YWHAG: variants seen among roughly 807,000 people sequenced by gnomAD.
YWHAG encodes tyrosine 3-monooxygenase/tryptophan 5-monooxygenase activation protein gamma, also known as 14-3-3 protein gamma.
YWHAG carries 1 observed loss-of-function variant against 23.3 expected under a neutral mutation model. That is an observed-to-expected ratio of 0.04 (90% CI 0.02 to 0.20). The LOEUF is 0.20. YWHAG is among the 10% of genes least tolerant of loss of function. The probability of loss-of-function intolerance (pLI) is 1.00; values close to 1 mark genes in which losing one functional copy is unlikely to be tolerated. For synonymous variants in YWHAG, 160 were observed against 144.0 expected, an observed-to-expected ratio of 1.11 and a Z score of -0.80; for missense variants, 151 against 338.6, an observed-to-expected ratio of 0.45 and a Z score of 4.35.
At chr7:76,335,214 C>T (rs1199649525) in intron 1 of YWHAG, among the ~76,000 whole-genome samples, 5 of 152,102 alleles carry the variant, frequency 3.3e-5, no homozygotes, top group Admixed American at 6.6e-5. Context: ...TGTGCCACTA[C>T]GCCCAGCTAA....
intron 1 of YWHAG, 92 bp downstream of exon 1, chr7:76,358,630 C>T: frequency 7.6e-7 from 1 of 1,309,024 alleles, no homozygotes. Context: ...AACCCGCCAT[C>T]GCGACAGGGC....
rs1803507154 is a variant in YWHAG, at chr7:76,329,454, C to T, written c.*123G>A. ...AGAGGCGATCAAAGACAGGACAGGT[C>T]GTGGGTTTCTCCCTGGGAAGGTCAT... is the stretch of plus-strand genomic sequence containing the variant. On this transcript the variant is annotated 3_prime_UTR_variant, in exon 2 of 2. Coordinates refer to ENST00000307630, the MANE Select transcript of YWHAG (RefSeq NM_012479.4). The surrounding 1 kb of genome is among the most constrained non-coding windows in gnomAD (Gnocchi z 6.1). 6.5e-6 allele frequency: 8 copies of T among 1,239,282 alleles called. No homozygotes were observed. The highest frequency in any genetic ancestry group is 4.6e-5 in the African/African-American group (3 of 65,154). 76.8% of individuals were successfully genotyped at this position (1,239,282 alleles called of 1,614,324 possible).
chr7:76,358,039 C>T (rs571063038), intron 1 of YWHAG, among the ~76,000 whole-genome samples: 1 of 152,132 alleles, frequency 6.6e-6, no homozygotes, highest in Non-Finnish European at 1.5e-5. Flanking sequence ...AAAACGCTAG[C>T]GAGACAAACG....
chr7:76,354,545 A>C (rs1050704193), intron 1 of YWHAG, among the ~76,000 whole-genome samples: 1 of 152,056 alleles, frequency 6.6e-6, no homozygotes, highest in Admixed American at 6.6e-5. Context: ...AAATACAATA[A>C]AATAAAATAA....
At chr7:76,342,018 C>T (rs1341482624) in intron 1 of YWHAG, among the ~76,000 whole-genome samples, 1 of 152,168 alleles carries the variant, frequency 6.6e-6, no homozygotes, top group Non-Finnish European at 1.5e-5. Flanking sequence ...CTTGATGCTT[C>T]TTAATACATG....
At chr7:76,336,944 C>T (rs759182784) in intron 1 of YWHAG, among the ~76,000 whole-genome samples, 41 of 152,190 alleles carry the variant, frequency 2.7e-4, no homozygotes, top group Non-Finnish European at 5.0e-4. Context: ...ATGTGCGCTG[C>T]TGTCCATGTT....
chr7:76,340,774 A>C (rs1803681059), intron 1 of YWHAG, among the ~76,000 whole-genome samples: 1 of 152,210 alleles, frequency 6.6e-6, no homozygotes, highest in Admixed American at 6.5e-5. Context: ...CTATTTCTCT[A>C]GGTTAAGAAT....
rs1213979620 is a variant in YWHAG at position 76,327,681 on chromosome 7, TCCCC to T, written c.*1892_*1895del. 2 of 30,786 alleles carry T rather than the reference TCCCC, an allele frequency of 6.5e-5. No individual in the cohort carries two copies. The highest frequency in any genetic ancestry group is 3.4e-4 in the African/African-American group (2 of 5,818). The allele number at this position is 30,786 out of a possible 1,614,324, so 1.9% of individuals were successfully genotyped here. A position where few individuals can be genotyped will look rare whatever the true frequency, so the allele number is the denominator to read the frequency against. On this transcript the variant is annotated 3_prime_UTR_variant, in exon 2 of 2. Coordinates refer to ENST00000307630, the MANE Select transcript of YWHAG (RefSeq NM_012479.4). ...CCCACCTACCCTGCCCCCCCCCCCC[TCCCC>T]CCCCAAATCGTCTTCCTCCCATGGC... is the stretch of plus-strand genomic sequence containing the variant.
rs71085403 is a variant in YWHAG at position 76,327,668 on chromosome 7, G to GCCCCCCCCCCCCCC, written c.*1908_*1909insGGGGGGGGGGGGGG. 1.4e-3 allele frequency: 65 copies of GCCCCCCCCCCCCCC among 47,110 alleles called. 1 individual carries two copies. Among genetic ancestry groups the GCCCCCCCCCCCCCC allele is most frequent in the Admixed American group, 2.1e-3 (9 of 4,198 alleles). 2.9% of individuals were successfully genotyped at this position (47,110 alleles called of 1,614,324 possible). Reference sequence around the variant, plus strand: ...AATTAGGGAAAGCCCCACCTACCCTGCCCCCCCCCCCCTCCCCCCCCAAAT... The same window carrying GCCCCCCCCCCCCCC: ...AATTAGGGAAAGCCCCACCTACCCTGCCCCCCCCCCCCCCCCCCCCCCCCCCTCCCCCCCCAAAT... On this transcript the variant is annotated 3_prime_UTR_variant, in exon 2 of 2. Coordinates refer to ENST00000307630, the MANE Select transcript of YWHAG (RefSeq NM_012479.4).
intron 1 of YWHAG, among the ~76,000 whole-genome samples, chr7:76,358,496 C>T (rs1048435661): frequency 6.6e-5 from 10 of 152,100 alleles, no homozygotes; most frequent in African/African-American, 2.4e-4. Context: ...CGCGCCCGCG[C>T]CGGGCCTGAA....
chr7:76,340,614 C>A (rs190579723), intron 1 of YWHAG, among the ~76,000 whole-genome samples: 2 of 152,126 alleles, frequency 1.3e-5, no homozygotes, highest in African/African-American at 2.4e-5. Flanking sequence ...TAAGGCTCAG[C>A]GCTGAAGAAC....
chr7:76,336,118 A>C (rs1281940389), intron 1 of YWHAG, among the ~76,000 whole-genome samples: 2 of 152,188 alleles, frequency 1.3e-5, no homozygotes, highest in Non-Finnish European at 2.9e-5. Flanking sequence ...ATCTCTACAA[A>C]GAACTGAAGT....
chr7:76,353,491 G>A (rs1285293075), intron 1 of YWHAG, among the ~76,000 whole-genome samples: 6 of 152,164 alleles, frequency 3.9e-5, no homozygotes, highest in South Asian at 4.1e-4. Context: ...GATTACAGGC[G>A]TGAGCCACCG....
chr7:76,350,136 G>C lies in YWHAG; in HGVS notation c.87+8586C>G, dbSNP rs140458424. 3.9e-5 allele frequency among the ~76,000 whole-genome samples: 6 copies of C among 152,206 alleles called. 1 individual carries two copies. In the East Asian group the frequency reaches 1.2e-3, roughly 29 times the overall value. Reference sequence around the variant, plus strand: ...CTATTTGTCTTTATTTTGTATGTTTGAAAGTTTCCATTAGTCAAAGGGAAA... The same window carrying C: ...CTATTTGTCTTTATTTTGTATGTTTCAAAGTTTCCATTAGTCAAAGGGAAA... On this transcript the variant is annotated intron_variant, in intron 1 of 1. Coordinates refer to ENST00000307630, the MANE Select transcript of YWHAG (RefSeq NM_012479.4).
In YWHAG at chr7:76,358,788, C is replaced by T. The variant is rs190213762; in HGVS notation, c.21G>A (p.Leu7=). ...GCTCGGCCAGCCGGGCTTTCTGCAC[C>T]AGTTGCTCGCGGTCCACCATCTTCG... is the stretch of plus-strand genomic sequence containing the variant. MVDREQ[L]VQKARLAEQA... Residue 7 remains leucine, a synonymous_variant, in exon 1 of 2, where the codon CTG becomes CTA. Transcript: ENST00000307630. 4 of 1,595,708 alleles carry T rather than the reference C, an allele frequency of 2.5e-6. No homozygotes were observed. In the South Asian group the frequency reaches 3.4e-5, roughly 14 times the overall value.
intron 1 of YWHAG, among the ~76,000 whole-genome samples, chr7:76,337,199 G>T (rs1480490041): frequency 6.6e-6 from 1 of 152,164 alleles, no homozygotes; most frequent in Non-Finnish European, 1.5e-5. Flanking sequence ...GTCTCTGGCT[G>T]GCATCTGAGA....
chr7:76,332,083 T>C (rs991909301), intron 1 of YWHAG, among the ~76,000 whole-genome samples: 4 of 152,196 alleles, frequency 2.6e-5, no homozygotes, highest in Non-Finnish European at 5.9e-5. Flanking sequence ...TAGACATTAC[T>C]GATGCTCTGT....
At chr7:76,330,989 T>C (rs1313927132) in intron 1 of YWHAG, among the ~76,000 whole-genome samples, 1 of 152,242 alleles carries the variant, frequency 6.6e-6, no homozygotes, top group Non-Finnish European at 1.5e-5. Flanking sequence ...CAAACCAATG[T>C]TGTATATTTT....
chr7:76,343,725 A>C (rs1156232023), intron 1 of YWHAG, among the ~76,000 whole-genome samples: 1 of 152,150 alleles, frequency 6.6e-6, no homozygotes, highest in Non-Finnish European at 1.5e-5. Context: ...ATGGAGCCTA[A>C]GCAAGTATGA....
Sources: allele counts gnomAD v4.1 joint callset (sites outside exome capture counted in the v4.1 genomes callset), GRCh38; gene constraint gnomAD v4.1.1; non-coding constraint Gnocchi (gnomAD v3.1); transcripts MANE v1.5; gene names NCBI Gene and HGNC (gene_info 2026-07-23, HGNC 2026-07-21).